Variants in TMTC4 observed in about 807,000 individuals in gnomAD.
The protein encoded by TMTC4 is transmembrane O-mannosyltransferase targeting cadherins 4.
In TMTC4, 65 loss-of-function variants were observed where a neutral mutation model predicts 86.0. That is an observed-to-expected ratio of 0.76 (90% CI 0.62 to 0.93). The LOEUF (loss-of-function observed/expected upper bound fraction) is 0.93. Ranked by LOEUF, TMTC4 falls within the 40% of genes least tolerant of loss-of-function variation. The pLI is 0.00. For synonymous variants in TMTC4, 379 were observed against 382.5 expected, an observed-to-expected ratio of 0.99 and a Z score of 0.11; for missense variants, 866 against 948.1, an observed-to-expected ratio of 0.91 and a Z score of 1.14.
chr13:100,637,991 A>T lies in TMTC4; in HGVS notation c.773T>A (p.Ile258Lys). Residue 258 changes from isoleucine to lysine, a missense_variant, in exon 8 of 19, where the codon ATA becomes AAA. Coordinates refer to ENST00000342624, the MANE Select transcript of TMTC4 (RefSeq NM_032813.5). Reference sequence around the variant, plus strand: ...AATTTCCAGAACATTGAATTTGCCTATCACCAAGATGTCAAATACCGCATT... The same window carrying T: ...AATTTCCAGAACATTGAATTTGCCTTTCACCAAGATGTCAAATACCGCATT... ...GLNAVFDILV[I>K]GKFNVLEIVQ... The T allele has an allele frequency of 6.2e-7, 1 of 1,614,080 alleles. No homozygotes were observed.
chr13:100,617,111 T>C (rs1412547523), intron 15 of TMTC4, among the ~76,000 whole-genome samples: 2 of 150,194 alleles, frequency 1.3e-5, no homozygotes, highest in Middle Eastern at 3.4e-3. Context: ...TAGTGTTTCC[T>C]AGGTTTTCTT....
intron 15 of TMTC4, among the ~76,000 whole-genome samples, chr13:100,619,328 GACACACACACACACACACAC>G (rs34662519): frequency 3.1e-4 from 45 of 146,022 alleles, no homozygotes; most frequent in South Asian, 9.0e-4. Context: ...AATAAAAGCA[GACACACACACACACACACAC>G]ACACACACAC....
intron 1 of TMTC4, among the ~76,000 whole-genome samples, chr13:100,672,704 C>A (rs1887280911): frequency 6.6e-6 from 1 of 152,168 alleles, no homozygotes; most frequent in African/African-American, 2.4e-5. Context: ...GTTGCCCAGG[C>A]TGGAATCAAA....
chr13:100,668,059 A>G (rs1886607067), intron 3 of TMTC4, among the ~76,000 whole-genome samples: 1 of 152,218 alleles, frequency 6.6e-6, no homozygotes, highest in African/African-American at 2.4e-5. Flanking sequence ...TGCAGCGCCC[A>G]TGGGCAGCAC....
Position 100,636,732 on chromosome 13 carries a change from G to A in TMTC4, c.1002C>T (p.Ala334=), listed in dbSNP as rs775770328. The A allele has an allele frequency of 9.3e-6, 15 of 1,613,830 alleles. No individual in the cohort carries two copies. Among genetic ancestry groups the A allele is most frequent in the African/African-American group, 2.7e-5 (2 of 74,894 alleles). Residue 334 remains alanine, a splice_region_variant and synonymous_variant, in exon 10 of 19, where the codon GCC becomes GCT. Coordinates refer to ENST00000342624, the MANE Select transcript of TMTC4 (RefSeq NM_032813.5). ...ASFADSMLVR[A]VNYNYYYSLN... The stretch of plus-strand genomic sequence containing the variant: ...ATGAATAGTAGTAATTGTAGTTTAC[G>A]GCCTGCCAGTCAAAAGGAGAACAAA...
Position 100,638,023 on chromosome 13 carries a change from C to T in TMTC4, c.742-1G>A. ...AGATGTCAAATACCGCATTTAAACC[C>T]TAAGAAAGCAAAGCAAGACAATCAG... is the stretch of plus-strand genomic sequence containing the variant. On this transcript the variant is annotated splice_acceptor_variant, in intron 7 of 18. Transcript: ENST00000342624. LOFTEE classifies it high-confidence loss of function. The T allele has an allele frequency of 6.2e-7, 1 of 1,612,962 alleles. No homozygotes were observed. The highest frequency in any genetic ancestry group is 1.1e-5 in the South Asian group (1 of 90,798).
chr13:100,667,769 G>T (rs1048512911), intron 3 of TMTC4, among the ~76,000 whole-genome samples: 22 of 152,076 alleles, frequency 1.4e-4, no homozygotes, highest in African/African-American at 5.1e-4. Flanking sequence ...AATATCTTCT[G>T]AATAACAGAT....
At chr13:100,637,011 G>A (rs1360467577) in intron 9 of TMTC4, among the ~76,000 whole-genome samples, 1 of 152,166 alleles carries the variant, frequency 6.6e-6, no homozygotes, top group Non-Finnish European at 1.5e-5. Flanking sequence ...TTTGCTGCCT[G>A]AAGCCTGTGA....
chr13:100,629,722 T>G (rs2138832762), intron 12 of TMTC4, among the ~76,000 whole-genome samples: 1 of 152,166 alleles, frequency 6.6e-6, no homozygotes, highest in East Asian at 1.9e-4. Context: ...TGAAAATGTA[T>G]TTGGAGATAG....
rs1008370994 is a variant in TMTC4 at position 100,604,292 on chromosome 13, G to T, written c.*702C>A. On this transcript the variant is annotated 3_prime_UTR_variant, in exon 19 of 19. Coordinates refer to ENST00000342624, the MANE Select transcript of TMTC4 (RefSeq NM_032813.5). ...TAAAGCATGGCTTGAACTTTCAATT[G>T]ATAGTAACCGCTTATGTAAAATATT... 3 of 152,582 alleles carry T rather than the reference G, an allele frequency of 2.0e-5. No individual in the cohort carries two copies. The highest frequency in any genetic ancestry group is 1.3e-4 in the Admixed American group (2 of 15,276). 9.5% of individuals were successfully genotyped at this position (152,582 alleles called of 1,614,324 possible).
intron 12 of TMTC4, among the ~76,000 whole-genome samples, chr13:100,633,340 A>T (rs1881721241): frequency 7.7e-6 from 1 of 129,416 alleles, no homozygotes; most frequent in African/African-American, 2.7e-5. Flanking sequence ...AAAAAAAAAA[A>T]AAGCTAACAC....
chr13:100,606,429 T>C lies in TMTC4; in HGVS notation c.2065-2A>G, dbSNP rs756005748. On this transcript the variant is annotated splice_acceptor_variant, in intron 17 of 18. Coordinates refer to ENST00000342624, the MANE Select transcript of TMTC4 (RefSeq NM_032813.5). LOFTEE classifies it high-confidence loss of function. Reference sequence around the variant, plus strand: ...CTTGAGGAATAAAGCTTCAGATTCCTAAAAAATGAGAAACATAAAAAGGAA... The same window carrying C: ...CTTGAGGAATAAAGCTTCAGATTCCCAAAAAATGAGAAACATAAAAAGGAA... The C allele has an allele frequency of 6.2e-7, 1 of 1,609,708 alleles. No individual in the cohort carries two copies. The highest frequency in any genetic ancestry group is 1.7e-5 in the Admixed American group (1 of 59,366).
At position 100,612,496 on chromosome 13, in the gene TMTC4, C is replaced by T. The variant is rs532028511; in HGVS notation, c.1966G>A (p.Ala656Thr). The T allele has an allele frequency of 1.2e-6, 2 of 1,610,456 alleles. No individual in the cohort carries two copies. The highest frequency in any genetic ancestry group is 2.2e-5 in the South Asian group (2 of 89,916). ...AGTGCCTCTCTTCCAACTGCTTCAGCTTGGGCTAAATTACCTGGGAGTGAA... is the reference window on the plus strand; with the variant it reads ...AGTGCCTCTCTTCCAACTGCTTCAGTTTGGGCTAAATTACCTGGGAGTGAA... The part of the protein sequence containing the change: ...LLDNTGNLAQ[A>T]EAVGREALEL... The change falls in exon 17 of 19, where the codon GCT (alanine) becomes ACT (threonine). Residue 656 changes from alanine to threonine, a missense_variant. By Grantham distance (58) the Ala-to-Thr change is moderately conservative (BLOSUM62 0). Transcript: ENST00000342624.
intron 3 of TMTC4, among the ~76,000 whole-genome samples, chr13:100,667,891 C>T (rs1886584938): frequency 6.6e-6 from 1 of 152,162 alleles, no homozygotes. Flanking sequence ...TTCATCTTTT[C>T]CCACAAACCT....
At chr13:100,627,254 G>C (rs540204338) in intron 12 of TMTC4, among the ~76,000 whole-genome samples, 31 of 152,330 alleles carry the variant, frequency 2.0e-4, no homozygotes, top group African/African-American at 7.2e-4. Context: ...CCTGAGCAAG[G>C]GCAGGCTAGG....
intron 6 of TMTC4, among the ~76,000 whole-genome samples, chr13:100,655,405 T>C (rs1884979031): frequency 6.6e-6 from 1 of 152,246 alleles, no homozygotes; most frequent in African/African-American, 2.4e-5. Context: ...TCAGATTTAA[T>C]TGCCAACTTT....
chr13:100,604,815 T>C lies in TMTC4; in HGVS notation c.*179A>G. 2 of 504,224 alleles carry C rather than the reference T, an allele frequency of 4.0e-6. No individual in the cohort carries two copies. The highest frequency in any genetic ancestry group is 6.4e-6 in the Non-Finnish European group (2 of 314,916). The allele number at this position is 504,224 out of a possible 1,614,324, so 31.2% of individuals were successfully genotyped here. On this transcript the variant is annotated 3_prime_UTR_variant, in exon 19 of 19. Transcript: ENST00000342624. ...AATACAATTTCAATGAAAAATCATATCACGCATTCAAGAGTATATTGCTGG... is the reference window on the plus strand; with the variant it reads ...AATACAATTTCAATGAAAAATCATACCACGCATTCAAGAGTATATTGCTGG...
At chr13:100,634,617 G>A (rs1881932342) in intron 12 of TMTC4, among the ~76,000 whole-genome samples, 188 bp downstream of exon 12, 1 of 151,608 alleles carries the variant, frequency 6.6e-6, no homozygotes, top group African/African-American at 2.4e-5. Context: ...TTTCAATTTT[G>A]GCTGAGTGGA....
At chr13:100,659,191 G>A (rs1174066579) in intron 5 of TMTC4, among the ~76,000 whole-genome samples, 1 of 152,188 alleles carries the variant, frequency 6.6e-6, no homozygotes, top group East Asian at 1.9e-4. Context: ...GGGGGATGGG[G>A]AAGGTTTCCC....
Sources: allele counts gnomAD v4.1 joint callset (sites outside exome capture counted in the v4.1 genomes callset), GRCh38; gene constraint gnomAD v4.1.1; transcripts MANE v1.5; gene names NCBI Gene and HGNC (gene_info 2026-07-23, HGNC 2026-07-21).